SMARCA1: variants seen among roughly 807,000 people sequenced by gnomAD.
The protein encoded by SMARCA1 is SNF2 related chromatin remodeling ATPase 1, also known as SWI/SNF-related matrix-associated actin-dependent regulator of chromatin subfamily A member 1.
A neutral mutation model predicts 93.6 loss-of-function variants in SMARCA1; 17 were observed. The ratio of observed to expected loss-of-function variants is 0.18; its 90% CI spans 0.12 to 0.27. The LOEUF (loss-of-function observed/expected upper bound fraction) is 0.27. Among genes scored for constraint, SMARCA1 ranks in the 10% least tolerant of loss-of-function variants. SMARCA1 has a pLI of 1.00. For synonymous variants in SMARCA1, 271 were observed against 271.4 expected, an observed-to-expected ratio of 1.00 and a Z score of 0.01; for missense variants, 630 against 819.0, an observed-to-expected ratio of 0.77 and a Z score of 2.82.
At chrX:129,488,879 T>TGAA (rs759199038) in intron 16 of SMARCA1, 58 bp downstream of exon 16, 14 of 728,182 alleles carry the variant, frequency 1.9e-5, no homozygotes, top group Non-Finnish European at 2.7e-5. Context: ...ATAAGTATGC[T>TGAA]GAAGTATGTT....
intron 21 of SMARCA1, among the ~76,000 whole-genome samples, chrX:129,468,290 G>A (rs950171369): frequency 3.5e-4 from 39 of 112,130 alleles, no homozygotes; most frequent in Admixed American, 6.6e-4. Context: ...TCAGCTCTAC[G>A]CCCGCTAGCC....
intron 19 of SMARCA1, 149 bp downstream of exon 19, chrX:129,480,551 TA>T (rs1388214249): frequency 3.9e-6 from 1 of 254,863 alleles, no homozygotes; most frequent in Non-Finnish European, 7.0e-6. Context: ...TACATCTAGT[TA>T]AACTTCCTCT....
chrX:129,496,703 A>T, intron 12 of SMARCA1, 47 bp downstream of exon 12: 2 of 1,156,132 alleles, frequency 1.7e-6, no homozygotes, highest in Non-Finnish European at 2.3e-6. Context: ...TACATTGCTT[A>T]ATTGAACTCT....
At chrX:129,510,873 G>A (rs1934996141) in intron 6 of SMARCA1, among the ~76,000 whole-genome samples, 1 of 111,129 alleles carries the variant, frequency 9.0e-6, no homozygotes, top group Non-Finnish European at 1.9e-5. Flanking sequence ...GTAAACTTAT[G>A]AGCTCAGTAT....
intron 20 of SMARCA1, 49 bp downstream of exon 20, chrX:129,471,155 T>G (rs1459876788): frequency 1.9e-6 from 2 of 1,070,431 alleles, no homozygotes; most frequent in East Asian, 3.1e-5. Flanking sequence ...ATATTTTCTT[T>G]TTTTCTATTG....
intron 9 of SMARCA1, among the ~76,000 whole-genome samples, chrX:129,503,338 T>C (rs1934638195): frequency 8.9e-6 from 1 of 112,231 alleles, no homozygotes; most frequent in African/African-American, 3.2e-5. Flanking sequence ...TACAGAGATG[T>C]CCACTCTGCT....
At chrX:129,474,423 T>C (rs1252288427) in intron 19 of SMARCA1, among the ~76,000 whole-genome samples, 1 of 110,012 alleles carries the variant, frequency 9.1e-6, no homozygotes, top group Non-Finnish European at 1.9e-5. Context: ...AAACATCCAA[T>C]TCATGACAGA....
chrX:129,487,374 TG>T (rs1654687010), intron 16 of SMARCA1, among the ~76,000 whole-genome samples: 1 of 112,655 alleles, frequency 8.9e-6, no homozygotes, highest in African/African-American at 3.2e-5. Flanking sequence ...TAAAATCTTT[TG>T]TCAGTGAAGT....
chrX:129,488,853 C>T (rs981726325), intron 16 of SMARCA1, 84 bp downstream of exon 16: 3 of 582,492 alleles, frequency 5.2e-6, no homozygotes, highest in Non-Finnish European at 8.2e-6. Context: ...TGCAGATAAA[C>T]ATGTACAATG....
chrX:129,457,387 G>A (rs188623409), intron 23 of SMARCA1, among the ~76,000 whole-genome samples: 1 of 111,969 alleles, frequency 8.9e-6, no homozygotes, highest in Non-Finnish European at 1.9e-5. Context: ...GTGTGTGACT[G>A]TGTAAAGAAA....
intron 19 of SMARCA1, among the ~76,000 whole-genome samples, chrX:129,471,719 C>A (rs925437146): frequency 2.7e-5 from 3 of 112,173 alleles, no homozygotes; most frequent in Non-Finnish European, 5.6e-5. Flanking sequence ...AACATTACAT[C>A]CAACAGTCTG....
chrX:129,471,043 A>T (rs925469651), intron 20 of SMARCA1, among the ~76,000 whole-genome samples, 161 bp downstream of exon 20: 4 of 112,050 alleles, frequency 3.6e-5, no homozygotes, highest in African/African-American at 1.3e-4. Context: ...ATCAATTTTT[A>T]AAAATAAGGA....
chrX:129,497,475 G>A (rs1032602295), intron 11 of SMARCA1, among the ~76,000 whole-genome samples: 1 of 111,520 alleles, frequency 9.0e-6, no homozygotes. Flanking sequence ...CTTGTTTCAC[G>A]CCTCTGTTTC....
intron 23 of SMARCA1, among the ~76,000 whole-genome samples, chrX:129,461,918 T>C (rs1248849811): frequency 9.0e-6 from 1 of 111,615 alleles, no homozygotes; most frequent in African/African-American, 3.3e-5. Flanking sequence ...CATTTTCTCT[T>C]TTGTATAGCT....
At chrX:129,452,486 A>G (rs950871382) in intron 23 of SMARCA1, among the ~76,000 whole-genome samples, 1 of 112,593 alleles carries the variant, frequency 8.9e-6, no homozygotes, top group African/African-American at 3.2e-5. Flanking sequence ...AAAAATTCCT[A>G]TGTTCAAATG....
chrX:129,454,875 T>C (rs184036879), intron 23 of SMARCA1, among the ~76,000 whole-genome samples: 2,025 of 111,663 alleles, frequency 0.018, 58 homozygotes, highest in African/African-American at 0.061. Context: ...CACTGGTCAT[T>C]ACAGAAATGC....
chrX:129,489,660 C>G (rs2124272889), intron 15 of SMARCA1, among the ~76,000 whole-genome samples: 1 of 112,309 alleles, frequency 8.9e-6, no homozygotes, highest in African/African-American at 3.2e-5. Context: ...CAGGTTCAAG[C>G]AATTCTCCTG....
At chrX:129,459,581 T>C (rs1932768920) in intron 23 of SMARCA1, among the ~76,000 whole-genome samples, 1 of 112,175 alleles carries the variant, frequency 8.9e-6, no homozygotes, top group South Asian at 3.7e-4. Flanking sequence ...TAATAAAACA[T>C]ATGACATTTA....
chrX:129,495,865 C>T (rs1602704293), intron 12 of SMARCA1, among the ~76,000 whole-genome samples: 1 of 104,909 alleles, frequency 9.5e-6, no homozygotes, highest in East Asian at 3.0e-4. Context: ...CTCCGCCTCC[C>T]AGGTTCAAGC....
Sources: gnomAD v4.1 joint callset for allele counts (sites outside exome capture counted in the v4.1 genomes callset) on GRCh38, gnomAD v4.1.1 for gene constraint, MANE v1.5 for transcripts, NCBI Gene and HGNC (gene_info 2026-07-23, HGNC 2026-07-21) for gene names.